The following MGAT4C variants were observed in gnomAD, a reference collection of about 807,000 sequenced individuals.
The protein encoded by MGAT4C is MGAT4 family member C, also known as alpha-1,3-mannosyl-glycoprotein 4-beta-N-acetylglucosaminyltransferase C.
MGAT4C carries 19 observed loss-of-function variants against 40.1 expected under a neutral mutation model. The observed-to-expected ratio is 0.47, with a 90% CI of 0.33 to 0.70. MGAT4C has a LOEUF of 0.70. Among genes scored for constraint, MGAT4C ranks in the 30% least tolerant of loss-of-function variants. The pLI is 0.02. For missense variants in MGAT4C, 491 were observed against 563.2 expected, an observed-to-expected ratio of 0.87 and a Z score of 1.30; for synonymous variants, 181 against 187.1, an observed-to-expected ratio of 0.97 and a Z score of 0.27.
At chr12:86,818,396 A>G (rs1446838604) in intron 1 of MGAT4C, among the ~76,000 whole-genome samples, 1 of 151,456 alleles carries the variant, frequency 6.6e-6, no homozygotes, top group East Asian at 1.9e-4. Context: ...AGATTAAAAG[A>G]TAATTAGTGA....
chr12:86,544,061 T>A (rs1240672220), intron 2 of MGAT4C, among the ~76,000 whole-genome samples: 1 of 152,146 alleles, frequency 6.6e-6, no homozygotes, highest in Admixed American at 6.5e-5. Context: ...CACTTCAGAA[T>A]CATTAGTTGA....
intron 2 of MGAT4C, among the ~76,000 whole-genome samples, chr12:86,708,609 C>G (rs1950504222): frequency 6.6e-6 from 1 of 152,146 alleles, no homozygotes; most frequent in African/African-American, 2.4e-5. Context: ...CCTTTGAAAG[C>G]AGCCAGGAGG....
chr12:86,038,564 A>ATTTATTTAT (rs1283998203), intron 2 of MGAT4C, among the ~76,000 whole-genome samples: 2 of 146,404 alleles, frequency 1.4e-5, no homozygotes, highest in Non-Finnish European at 3.0e-5. Context: ...TTATTTATTT[A>ATTTATTTAT]TTTTTTTGCT....
chr12:86,756,899 C>A (rs1477727062), intron 1 of MGAT4C, among the ~76,000 whole-genome samples: 1 of 152,142 alleles, frequency 6.6e-6, no homozygotes, highest in South Asian at 2.1e-4. Flanking sequence ...TGGGAAAAAA[C>A]ATTACTTTGC....
At chr12:86,048,562 A>G (rs1416978018) in intron 2 of MGAT4C, among the ~76,000 whole-genome samples, 2 of 152,170 alleles carry the variant, frequency 1.3e-5, no homozygotes, top group Non-Finnish European at 2.9e-5. Context: ...AACTGGATAT[A>G]GATTCAAAGT....
intron 4 of MGAT4C, among the ~76,000 whole-genome samples, chr12:86,274,470 A>G (rs1385084564): frequency 1.3e-5 from 2 of 152,160 alleles, no homozygotes; most frequent in Non-Finnish European, 2.9e-5. Flanking sequence ...TTTTAATATG[A>G]ATACAAGTCA....
At position 86,121,984 on chromosome 12, in the gene MGAT4C, A is replaced by G. The variant is rs534671863; in HGVS notation, c.-56-72261T>C. Among the ~76,000 whole-genome samples, 8 of 152,332 alleles carry G rather than the reference A, an allele frequency of 5.3e-5. 1 individual carries two copies. In the South Asian group the frequency reaches 1.7e-3, roughly 32 times the overall value. ...AATGAATAATGAACGTGAAACATTA[A>G]CACAAGTATATTCTCTTTTAATTAT... On this transcript the variant is annotated intron_variant, in intron 1 of 4. Transcript: ENST00000611864.
chr12:86,087,723 A>T (rs144273968), intron 1 of MGAT4C, among the ~76,000 whole-genome samples: 1 of 152,216 alleles, frequency 6.6e-6, no homozygotes, highest in East Asian at 1.9e-4. Context: ...GTTATGAAAC[A>T]CTGCTCAAAG....
chr12:86,062,043 G>A (rs1391572646), intron 1 of MGAT4C, among the ~76,000 whole-genome samples: 4 of 152,208 alleles, frequency 2.6e-5, no homozygotes, highest in African/African-American at 7.2e-5. Context: ...AGATGGCCTC[G>A]TCGAGTGGCT....
intron 2 of MGAT4C, among the ~76,000 whole-genome samples, chr12:86,617,116 G>T (rs1348259236): frequency 6.6e-6 from 1 of 152,166 alleles, no homozygotes; most frequent in Non-Finnish European, 1.5e-5. Context: ...AAACAGGTTG[G>T]TTAGTTCGCT....
intron 3 of MGAT4C, among the ~76,000 whole-genome samples, chr12:86,387,730 C>T (rs1309179185): frequency 6.6e-6 from 1 of 151,882 alleles, no homozygotes; most frequent in Non-Finnish European, 1.5e-5. Flanking sequence ...ACTTCTGTAG[C>T]CCTAAAGATT....
At chr12:86,586,029 C>G (rs1294966284) in intron 2 of MGAT4C, among the ~76,000 whole-genome samples, 3 of 149,992 alleles carry the variant, frequency 2.0e-5, no homozygotes, top group Non-Finnish European at 3.0e-5. Flanking sequence ...ATACATGTGC[C>G]ATGCTGGTGT....
At chr12:86,211,398 T>C (rs960895121) in intron 1 of MGAT4C, among the ~76,000 whole-genome samples, 2 of 38,598 alleles carry the variant, frequency 5.2e-5, no homozygotes, top group African/African-American at 9.8e-5. Flanking sequence ...CTGTCTCTAC[T>C]ACAAATACAA....
At position 85,979,457 on chromosome 12, in the gene MGAT4C, C is replaced by A; in HGVS notation, c.1269G>T (p.Arg423Ser). Residue 423 changes from arginine (R) to serine (S), a missense_variant, in exon 5 of 5, where the codon AGG becomes AGT. Coordinates refer to ENST00000611864, the MANE Select transcript of MGAT4C (RefSeq NM_001351288.2). ...GTCTTAAGTAAGTAGAACATTGTCT[C>A]CTTTGTTTGCTAGGCATAACGTTTT... is the stretch of plus-strand genomic sequence containing the variant. ...VGENVMPSKQ[R>S]RQCSTYLRLG... is the part of the protein sequence containing the mutation. 6.2e-7 allele frequency: 1 copy of A among 1,613,428 alleles called. No homozygotes were observed. Among genetic ancestry groups the A allele is most frequent in the Non-Finnish European group, 8.5e-7 (1 of 1,179,592 alleles).
rs1157634092 is a variant in MGAT4C, at chr12:86,616,114, G to C, written c.-229+111095C>G. ...CCTTGAGTGGTGATTATTTTGTTCT[G>C]CAACCAGTATTCATTGAGAACTTAA... On this transcript the variant is annotated intron_variant, in intron 2 of 7. Transcript: ENST00000548651. 2.0e-5 allele frequency among the ~76,000 whole-genome samples: 3 copies of C among 152,024 alleles called. 1 individual carries two copies. In the South Asian group the frequency reaches 6.2e-4, roughly 32 times the overall value.
intron 2 of MGAT4C, among the ~76,000 whole-genome samples, chr12:86,620,305 A>T (rs894391332): frequency 1.3e-4 from 20 of 152,144 alleles, no homozygotes; most frequent in Non-Finnish European, 2.2e-4. Context: ...TATGGAATCA[A>T]CCTAAGTGTC....
At chr12:86,473,921 G>T (rs992366021) in intron 2 of MGAT4C, among the ~76,000 whole-genome samples, 1 of 152,144 alleles carries the variant, frequency 6.6e-6, no homozygotes, top group African/African-American at 2.4e-5. Context: ...CTGTGCAACA[G>T]AAAGCAGAAG....
chr12:86,637,867 C>A (rs1963267997), intron 2 of MGAT4C, among the ~76,000 whole-genome samples: 1 of 151,894 alleles, frequency 6.6e-6, no homozygotes, highest in South Asian at 2.1e-4. Context: ...TTTCCTCTAA[C>A]TATATCATGA....
intron 4 of MGAT4C, among the ~76,000 whole-genome samples, chr12:86,276,907 T>C (rs367812618): frequency 6.6e-6 from 1 of 152,310 alleles, no homozygotes; most frequent in Non-Finnish European, 1.5e-5. Flanking sequence ...GGAGTGTACA[T>C]CTCTTAAATA....
Sources: gnomAD v4.1 joint callset for allele counts (sites outside exome capture counted in the v4.1 genomes callset) on GRCh38, gnomAD v4.1.1 for gene constraint, MANE v1.5 for transcripts, NCBI Gene and HGNC (gene_info 2026-07-23, HGNC 2026-07-21) for gene names.